The following CHSY3 variants were observed in gnomAD, a reference collection of about 807,000 sequenced individuals.
CHSY3 encodes the protein chondroitin sulfate synthase 3.
Under a neutral mutation model 67.2 loss-of-function variants are expected in CHSY3, and 35 were observed. The ratio of observed to expected loss-of-function variants is 0.52; its 90% CI spans 0.40 to 0.69. The LOEUF is 0.69. CHSY3 is among the 30% of genes least tolerant of loss of function. The pLI is 0.00. For synonymous variants in CHSY3, 474 were observed against 434.7 expected (o/e 1.09, Z -1.12); for missense variants, 1,069 against 1,138.5 (o/e 0.94, Z 0.88).
chr5:130,157,362 A>G (rs1189266133), intron 2 of CHSY3, among the ~76,000 whole-genome samples: 1 of 152,228 alleles, frequency 6.6e-6, no homozygotes, highest in Non-Finnish European at 1.5e-5. Context: ...CAGTAGAAAC[A>G]TATTTAAAGG....
At chr5:129,980,606 A>C (rs1762953010) in intron 2 of CHSY3, among the ~76,000 whole-genome samples, 1 of 152,166 alleles carries the variant, frequency 6.6e-6, no homozygotes, top group Non-Finnish European at 1.5e-5. Flanking sequence ...CACAGAGCAT[A>C]AGTTTTTAAA....
At chr5:130,039,304 T>C (rs1272282209) in intron 2 of CHSY3, among the ~76,000 whole-genome samples, 2 of 151,970 alleles carry the variant, frequency 1.3e-5, no homozygotes, top group African/African-American at 4.8e-5. Flanking sequence ...CTGGACAAAA[T>C]AGGGAGAACC....
intron 2 of CHSY3, among the ~76,000 whole-genome samples, chr5:130,087,571 T>A (rs971982086): frequency 6.6e-6 from 1 of 151,150 alleles, no homozygotes; most frequent in African/African-American, 2.4e-5. Flanking sequence ...TATACACCAA[T>A]AACAGACAAA....
chr5:130,001,116 C>T (rs1763715945), intron 2 of CHSY3, among the ~76,000 whole-genome samples: 2 of 151,246 alleles, frequency 1.3e-5, no homozygotes. Flanking sequence ...TCTTGACCTC[C>T]TGATCTGCCC....
At chr5:130,032,858 T>C (rs909702854) in intron 2 of CHSY3, among the ~76,000 whole-genome samples, 1 of 152,042 alleles carries the variant, frequency 6.6e-6, no homozygotes, top group Admixed American at 6.6e-5. Context: ...GAAGCCCAAT[T>C]AGTTGGGCCA....
At chr5:129,936,747 T>C (rs995174044) in intron 2 of CHSY3, among the ~76,000 whole-genome samples, 1 of 152,212 alleles carries the variant, frequency 6.6e-6, no homozygotes, top group Non-Finnish European at 1.5e-5. Flanking sequence ...GTATAGACGA[T>C]GACAGTACAG....
chr5:130,004,795 A>C (rs1415487298), intron 2 of CHSY3, among the ~76,000 whole-genome samples: 4 of 152,192 alleles, frequency 2.6e-5, no homozygotes, highest in Admixed American at 2.0e-4. Flanking sequence ...ATAGGTCATG[A>C]GTAGACCTGT....
chr5:129,981,517 A>AT (rs1369159055), intron 2 of CHSY3, among the ~76,000 whole-genome samples: 4 of 151,086 alleles, frequency 2.6e-5, no homozygotes, highest in Admixed American at 2.6e-4. Context: ...ATTTTTTATT[A>AT]TTTTTTATAT....
At chr5:129,950,384 A>G (rs887586077) in intron 2 of CHSY3, among the ~76,000 whole-genome samples, 3 of 152,100 alleles carry the variant, frequency 2.0e-5, no homozygotes, top group African/African-American at 7.2e-5. Flanking sequence ...CCCTACTCTC[A>G]TCACTTCTAT....
At chr5:129,977,666 CT>C (rs1162203739) in intron 2 of CHSY3, among the ~76,000 whole-genome samples, 1 of 151,886 alleles carries the variant, frequency 6.6e-6, no homozygotes, top group Non-Finnish European at 1.5e-5. Context: ...ATTAAATAGT[CT>C]TTTATTTAGG....
chr5:129,995,158 A>G (rs1251581020), intron 2 of CHSY3, among the ~76,000 whole-genome samples: 3 of 152,058 alleles, frequency 2.0e-5, no homozygotes, highest in East Asian at 1.9e-4. Context: ...GTCTCCCATT[A>G]TGGTTTTAAT....
chr5:129,958,962 A>G (rs1003570487), intron 2 of CHSY3, among the ~76,000 whole-genome samples: 3 of 152,156 alleles, frequency 2.0e-5, no homozygotes, highest in African/African-American at 7.2e-5. Context: ...TTTCCTTGTT[A>G]GCCTAAATAA....
At chr5:130,175,958 T>C (rs1444049150) in intron 2 of CHSY3, among the ~76,000 whole-genome samples, 2 of 152,000 alleles carry the variant, frequency 1.3e-5, no homozygotes, top group Non-Finnish European at 2.9e-5. Flanking sequence ...ACTTCATAAT[T>C]AAACACCAAA....
intron 2 of CHSY3, among the ~76,000 whole-genome samples, chr5:129,961,244 A>C (rs1250714063): frequency 6.6e-6 from 1 of 152,096 alleles, no homozygotes; most frequent in Non-Finnish European, 1.5e-5. Flanking sequence ...ATATAAAGTC[A>C]GTAAAAGCAG....
chr5:130,162,308 C>T (rs956154517), intron 2 of CHSY3, among the ~76,000 whole-genome samples: 2 of 152,008 alleles, frequency 1.3e-5, no homozygotes, highest in South Asian at 2.1e-4. Context: ...ACATAACTGT[C>T]CTCTTTTGAC....
Position 130,029,910 on chromosome 5 carries a change from A to G in CHSY3, c.1086+121550A>G, listed in dbSNP as rs543500019. 6.6e-5 allele frequency among the ~76,000 whole-genome samples: 10 copies of G among 152,196 alleles called. No homozygotes were observed. The South Asian group carries it at 1.2e-3, about 19-fold the overall frequency. On this transcript the variant is annotated intron_variant, in intron 2 of 2. Transcript: ENST00000305031. ...CTTCTTATATTCAACAACATGTCAA[A>G]TTGTATCTCTTTTGTATAGCCAAAA...
chr5:130,059,286 C>G (rs1488600922), intron 2 of CHSY3, among the ~76,000 whole-genome samples: 1 of 152,006 alleles, frequency 6.6e-6, no homozygotes, highest in East Asian at 1.9e-4. Flanking sequence ...TCAACTTTTA[C>G]CTGAATTTCA....
rs1466895571 is a variant in CHSY3, at chr5:130,160,026, GT to G, written c.1087-24201del. Among the ~76,000 whole-genome samples, 4 of 152,152 alleles carry G rather than the reference GT, an allele frequency of 2.6e-5. No individual in the cohort carries two copies. The East Asian group carries it at 7.7e-4, about 29-fold the overall frequency. Reference sequence around the variant, plus strand: ...CAGGTTACAGAAAAAGAAAGCATATGTTACTGGAGATACTCTGTTTTGAGAC... The same window carrying G: ...CAGGTTACAGAAAAAGAAAGCATATGTACTGGAGATACTCTGTTTTGAGAC... On this transcript the variant is annotated intron_variant, in intron 2 of 2. Transcript: ENST00000305031.
Position 129,910,464 on chromosome 5 carries a change from A to G in CHSY3, c.1086+2104A>G, listed in dbSNP as rs141937744. Among the ~76,000 whole-genome samples the G allele has an allele frequency of 5.9e-3, 894 of 152,176 alleles. 3 individuals are homozygous for G. Among genetic ancestry groups the G allele is most frequent in the Middle Eastern group, 0.01 (3 of 292 alleles). On this transcript the variant is annotated intron_variant, in intron 2 of 2. Coordinates refer to ENST00000305031, the MANE Select transcript of CHSY3 (RefSeq NM_175856.5). Reference sequence around the variant, plus strand: ...TGGGATTTCAGTCATTAAAGGAGCTATTTAAACAGTATTTATTTAAGGGAG... The same window carrying G: ...TGGGATTTCAGTCATTAAAGGAGCTGTTTAAACAGTATTTATTTAAGGGAG...
Sources: gnomAD v4.1 joint callset for allele counts (sites outside exome capture counted in the v4.1 genomes callset) on GRCh38, gnomAD v4.1.1 for gene constraint, MANE v1.5 for transcripts, NCBI Gene and HGNC (gene_info 2026-07-23, HGNC 2026-07-21) for gene names.